Variants in ARHGEF26 observed in about 807,000 individuals in gnomAD.
ARHGEF26 encodes Rho guanine nucleotide exchange factor (GEF) 26.
Under a neutral mutation model 89.4 loss-of-function variants are expected in ARHGEF26, and 59 were observed. That is an observed-to-expected ratio of 0.66 (90% CI 0.54 to 0.82). The LOEUF (loss-of-function observed/expected upper bound fraction) is 0.82. ARHGEF26 is among the 40% of genes least tolerant of loss of function. The pLI, the probability that ARHGEF26 is intolerant of heterozygous loss-of-function variation, is 0.00. For missense variants in ARHGEF26, 1,234 were observed against 1,085.6 expected (o/e 1.14, Z -1.92); for synonymous variants, 500 against 428.4 (o/e 1.17, Z -2.06).
At chr3:154,197,937 C>T (rs1714387175) in intron 9 of ARHGEF26, among the ~76,000 whole-genome samples, 1 of 152,078 alleles carries the variant, frequency 6.6e-6, no homozygotes, top group Non-Finnish European at 1.5e-5. Context: ...GTTTACTCTC[C>T]CATGGAAAGA....
chr3:154,155,517 A>C (rs1720285391), intron 6 of ARHGEF26, among the ~76,000 whole-genome samples: 1 of 152,050 alleles, frequency 6.6e-6, no homozygotes, highest in African/African-American at 2.4e-5. Context: ...AAAAGTTAAT[A>C]CAAGTAGAAA....
intron 6 of ARHGEF26, among the ~76,000 whole-genome samples, chr3:154,182,865 T>C (rs1713270554): frequency 6.6e-6 from 1 of 152,132 alleles, no homozygotes. Context: ...AGGCTTGCTG[T>C]TGGTTTTGTT....
At chr3:154,158,681 A>G (rs1576716549) in intron 6 of ARHGEF26, among the ~76,000 whole-genome samples, 1 of 152,284 alleles carries the variant, frequency 6.6e-6, no homozygotes, top group African/African-American at 2.4e-5. Flanking sequence ...AAGCCTGATC[A>G]TCTCATGAAA....
intron 6 of ARHGEF26, among the ~76,000 whole-genome samples, chr3:154,172,170 T>C (rs1230432872): frequency 6.6e-6 from 1 of 152,174 alleles, no homozygotes; most frequent in African/African-American, 2.4e-5. Context: ...GGATACACTT[T>C]TGGAACTCTG....
chr3:154,154,776 T>C (rs1559865906), intron 6 of ARHGEF26, among the ~76,000 whole-genome samples: 1 of 152,204 alleles, frequency 6.6e-6, no homozygotes, highest in East Asian at 1.9e-4. Flanking sequence ...TTTCTCCAGC[T>C]ACAATAATTA....
intron 6 of ARHGEF26, among the ~76,000 whole-genome samples, chr3:154,177,848 CA>C (rs1712922237): frequency 6.6e-6 from 1 of 152,168 alleles, no homozygotes; most frequent in Admixed American, 6.5e-5. Flanking sequence ...TGTATGTGAA[CA>C]AAACTAGCTG....
intron 9 of ARHGEF26, among the ~76,000 whole-genome samples, chr3:154,207,234 C>A (rs1204391967): frequency 6.6e-6 from 1 of 152,068 alleles, no homozygotes; most frequent in African/African-American, 2.4e-5. Context: ...ACAGTCGTGA[C>A]AAAAGCAAAA....
chr3:154,153,982 A>C (rs1720178310), intron 6 of ARHGEF26, among the ~76,000 whole-genome samples: 1 of 152,072 alleles, frequency 6.6e-6, no homozygotes, highest in Non-Finnish European at 1.5e-5. Context: ...CATGAGGCAC[A>C]TAATTTATGG....
chr3:154,199,425 A>G (rs1714492531), intron 9 of ARHGEF26, among the ~76,000 whole-genome samples: 2 of 152,026 alleles, frequency 1.3e-5, no homozygotes, highest in Admixed American at 1.3e-4. Context: ...ATGATACTCC[A>G]TTGTGTGTAT....
intron 3 of ARHGEF26, among the ~76,000 whole-genome samples, chr3:154,126,210 A>T (rs542604112): frequency 2.2e-4 from 33 of 152,358 alleles, no homozygotes; most frequent in African/African-American, 7.5e-4. Flanking sequence ...TACTTTAGTC[A>T]TAGTGCATAC....
chr3:154,212,915 G>T (rs1435797292), intron 9 of ARHGEF26, among the ~76,000 whole-genome samples: 1 of 152,072 alleles, frequency 6.6e-6, no homozygotes, highest in African/African-American at 2.4e-5. Context: ...TCTAAGTTGT[G>T]CTCCATTGAA....
At chr3:154,134,138 A>G (rs1440173474) in intron 4 of ARHGEF26, among the ~76,000 whole-genome samples, 5 of 152,204 alleles carry the variant, frequency 3.3e-5, no homozygotes. Flanking sequence ...TGTCATCTGC[A>G]GACAGGGATA....
chr3:154,195,686 T>G (rs909450035), intron 9 of ARHGEF26, among the ~76,000 whole-genome samples: 20 of 152,154 alleles, frequency 1.3e-4, no homozygotes, highest in African/African-American at 4.8e-4. Flanking sequence ...GGTTGTGTTG[T>G]CATTGAGATT....
At chr3:154,197,146 G>A (rs553563938) in intron 9 of ARHGEF26, among the ~76,000 whole-genome samples, 1 of 152,246 alleles carries the variant, frequency 6.6e-6, no homozygotes, top group African/African-American at 2.4e-5. Context: ...GTGAAGAGAT[G>A]TCATTCCAGT....
intron 6 of ARHGEF26, among the ~76,000 whole-genome samples, chr3:154,174,231 C>G (rs1389937533): frequency 6.6e-6 from 1 of 152,190 alleles, no homozygotes; most frequent in African/African-American, 2.4e-5. Flanking sequence ...GGAATGTAAG[C>G]TCAGTGTTGC....
intron 11 of ARHGEF26, 111 bp downstream of exon 11, chr3:154,226,121 T>A: frequency 1.1e-6 from 1 of 945,234 alleles, no homozygotes; most frequent in African/African-American, 1.7e-5. Flanking sequence ...GGAAGTATAG[T>A]TTCTACATAC....
chr3:154,171,143 A>G (rs905080254), intron 6 of ARHGEF26, among the ~76,000 whole-genome samples: 1 of 152,330 alleles, frequency 6.6e-6, no homozygotes, highest in South Asian at 2.1e-4. Context: ...GAGAGATTAT[A>G]TCTTTCCCAC....
chr3:154,205,935 T>A (rs867174736), intron 9 of ARHGEF26, among the ~76,000 whole-genome samples: 1 of 152,110 alleles, frequency 6.6e-6, no homozygotes, highest in Non-Finnish European at 1.5e-5. Context: ...ATAGTTACAG[T>A]GTTATAATAT....
intron 11 of ARHGEF26, among the ~76,000 whole-genome samples, chr3:154,236,863 G>A (rs949992468): frequency 2.6e-5 from 4 of 152,178 alleles, no homozygotes; most frequent in South Asian, 2.1e-4. Flanking sequence ...TGGCCTAGAC[G>A]AAGTAATGAT....
Sources: gnomAD v4.1 joint callset for allele counts (sites outside exome capture counted in the v4.1 genomes callset) on GRCh38, gnomAD v4.1.1 for gene constraint, MANE v1.5 for transcripts, NCBI Gene and HGNC (gene_info 2026-07-23, HGNC 2026-07-21) for gene names.